Variants in PRKN observed in about 807,000 individuals in gnomAD.
The protein encoded by PRKN is E3 ubiquitin-protein ligase parkin.
Under a neutral mutation model 59.5 loss-of-function variants are expected in PRKN, and 56 were observed. The ratio of observed to expected loss-of-function variants is 0.94; its 90% CI spans 0.76 to 1.18. The LOEUF (loss-of-function observed/expected upper bound fraction) is 1.18. Among genes scored for constraint, PRKN ranks in the 50% most tolerant of loss-of-function variants. PRKN has a pLI of 0.00. For synonymous variants in PRKN, 250 were observed against 222.1 expected, an observed-to-expected ratio of 1.13 and a Z score of -1.12; for missense variants, 657 against 596.4, an observed-to-expected ratio of 1.10 and a Z score of -1.06.
intron 7 of PRKN, among the ~76,000 whole-genome samples, chr6:161,577,960 T>C (rs1781195861): frequency 6.6e-6 from 1 of 152,168 alleles, no homozygotes; most frequent in African/African-American, 2.4e-5. Context: ...TGATTCTTCA[T>C]CGAACAACTC....
At position 162,442,908 on chromosome 6, in the gene PRKN, T is replaced by C. The variant is rs560463358; in HGVS notation, c.171+402A>G. ...CCAGGGGTCACAATTGGGTTACAAA[T>C]TCCTCACAGTGCAGGGACTGAGCAG... On this transcript the variant is annotated intron_variant, in intron 2 of 11. Transcript: ENST00000366898. 2.0e-5 allele frequency among the ~76,000 whole-genome samples: 3 copies of C among 152,218 alleles called. No homozygotes were observed. The East Asian group carries it at 5.8e-4, about 29-fold the overall frequency.
intron 7 of PRKN, among the ~76,000 whole-genome samples, chr6:161,758,676 C>A (rs966524972): frequency 6.6e-6 from 1 of 152,012 alleles, no homozygotes; most frequent in Non-Finnish European, 1.5e-5. Context: ...CTGTTAAAAA[C>A]AATATAAACC....
chr6:162,563,772 AAC>A (rs1779949422), intron 1 of PRKN, among the ~76,000 whole-genome samples: 1 of 152,224 alleles, frequency 6.6e-6, no homozygotes. Context: ...AATTCATGAT[AAC>A]ACAGAGAAGC....
rs1289219759 is a variant in PRKN, at chr6:161,396,456, C to T, written c.1084-9579G>A. Among the ~76,000 whole-genome samples the T allele has an allele frequency of 6.6e-6, 1 of 152,188 alleles. No individual in the cohort carries two copies. Among genetic ancestry groups the T allele is most frequent in the African/African-American group, 2.4e-5 (1 of 41,418 alleles). On this transcript the variant is annotated intron_variant, in intron 9 of 11. Coordinates refer to ENST00000366898, the MANE Select transcript of PRKN (RefSeq NM_004562.3). This position sits in a 1 kb window ranked among gnomAD's most constrained non-coding sequence, Gnocchi z 5.4. ...ATGGAGCAGTTGGCTCCTTCTAGAACTGGAGCACTGGTCACAGAGTATCAA... is the reference window on the plus strand; with the variant it reads ...ATGGAGCAGTTGGCTCCTTCTAGAATTGGAGCACTGGTCACAGAGTATCAA...
At chr6:161,564,153 G>C (rs1780552223) in intron 8 of PRKN, among the ~76,000 whole-genome samples, 1 of 152,188 alleles carries the variant, frequency 6.6e-6, no homozygotes, top group Admixed American at 6.5e-5. Flanking sequence ...TCCTGGAGCA[G>C]TTGCCCCCAC....
chr6:161,545,851 G>C lies in PRKN; in HGVS notation c.1083+3003C>G, dbSNP rs13437456. On this transcript the variant is annotated intron_variant, in intron 9 of 11. Transcript: ENST00000366898. The surrounding 1 kb of genome is among the most constrained non-coding windows in gnomAD (Gnocchi z 4.1). Reference sequence around the variant, plus strand: ...TGTGCCTGGTACTCAGATCAGACTTGAATAGTCACCATGGTTCCTTGTGGA... The same window carrying C: ...TGTGCCTGGTACTCAGATCAGACTTCAATAGTCACCATGGTTCCTTGTGGA... Among the ~76,000 whole-genome samples the C allele has an allele frequency of 0.017, 2,609 of 152,314 alleles. 82 individuals carry two copies. Among genetic ancestry groups the C allele is most frequent in the African/African-American group, 0.06 (2,482 of 41,566 alleles).
At position 161,402,745 on chromosome 6, in the gene PRKN, G is replaced by C. The variant is rs559308526; in HGVS notation, c.1084-15868C>G. Among the ~76,000 whole-genome samples, 10 of 152,238 alleles carry C rather than the reference G, an allele frequency of 6.6e-5. No homozygotes were observed. The highest frequency in any genetic ancestry group is 1.3e-4 in the Admixed American group (2 of 15,276). ...AACAGGGGCTTGGGGATTCTTGTGA[G>C]GGGGAGGAGGTTAGAGGAGGGCAAG... On this transcript the variant is annotated intron_variant, in intron 9 of 11. Coordinates refer to ENST00000366898, the MANE Select transcript of PRKN (RefSeq NM_004562.3). The surrounding 1 kb of genome is among the most constrained non-coding windows in gnomAD (Gnocchi z 4.5).
intron 7 of PRKN, among the ~76,000 whole-genome samples, chr6:161,737,364 G>C (rs1290117845): frequency 6.6e-6 from 1 of 152,206 alleles, no homozygotes; most frequent in East Asian, 1.9e-4. Context: ...TCACATGAGG[G>C]ACAGAACATG....
intron 2 of PRKN, among the ~76,000 whole-genome samples, chr6:162,432,371 C>T (rs1022108921): frequency 5.3e-5 from 8 of 151,956 alleles, no homozygotes; most frequent in African/African-American, 1.7e-4. Flanking sequence ...ATTAAAAATA[C>T]AAAAATTAGC....
chr6:161,599,753 C>T (rs1371827565), intron 7 of PRKN, among the ~76,000 whole-genome samples: 2 of 152,300 alleles, frequency 1.3e-5, no homozygotes, highest in South Asian at 4.1e-4. Context: ...AATGATCTCT[C>T]GCTAGCTACC....
intron 4 of PRKN, among the ~76,000 whole-genome samples, chr6:162,157,300 C>T (rs1782555043): frequency 1.3e-5 from 2 of 151,778 alleles, no homozygotes; most frequent in Admixed American, 6.6e-5. Context: ...TAGCTCCTGG[C>T]TTTGTTTCAT....
chr6:162,080,749 A>C (rs1242744696), intron 4 of PRKN, among the ~76,000 whole-genome samples: 18 of 152,054 alleles, frequency 1.2e-4, no homozygotes, highest in Admixed American at 1.2e-3. Flanking sequence ...TTAAAATAAG[A>C]CAACAATGAA....
intron 4 of PRKN, among the ~76,000 whole-genome samples, chr6:162,194,346 T>C (rs1041934505): frequency 1.3e-5 from 2 of 152,226 alleles, no homozygotes; most frequent in Admixed American, 6.5e-5. Flanking sequence ...TTATTCCTTA[T>C]ATTAGTAAAT....
chr6:161,777,774 T>C (rs892257466), intron 7 of PRKN, among the ~76,000 whole-genome samples: 3 of 142,556 alleles, frequency 2.1e-5, no homozygotes, highest in Admixed American at 7.1e-5. Context: ...TATATATGTA[T>C]ATATGTATAT....
At chr6:162,535,765 C>T (rs556270328) in intron 1 of PRKN, among the ~76,000 whole-genome samples, 32 of 151,896 alleles carry the variant, frequency 2.1e-4, no homozygotes, top group East Asian at 9.7e-4. Context: ...AAAAATTAGC[C>T]GGGCACGGTG....
chr6:162,317,259 T>C (rs1782792298), intron 2 of PRKN, among the ~76,000 whole-genome samples: 1 of 152,040 alleles, frequency 6.6e-6, no homozygotes. Flanking sequence ...AATTGAATCA[T>C]GGGGGCACTT....
At chr6:161,874,261 G>A (rs566433989) in intron 6 of PRKN, among the ~76,000 whole-genome samples, 119 of 4,866 alleles carry the variant, frequency 0.024, 20 homozygotes, top group Non-Finnish European at 0.047. Flanking sequence ...TATATTATAT[G>A]TAAAATATAT....
chr6:161,633,997 AACACACACACACAC>A (rs141101298), intron 7 of PRKN, among the ~76,000 whole-genome samples: 360 of 142,126 alleles, frequency 2.5e-3, no homozygotes, highest in African/African-American at 3.0e-3. Context: ...GGAAAACTTA[AACACACACACACAC>A]ACACACACAC....
At chr6:161,708,008 T>C (rs76833568) in intron 7 of PRKN, among the ~76,000 whole-genome samples, 6,647 of 152,304 alleles carry the variant, frequency 0.044, 200 homozygotes, top group African/African-American at 0.083. Context: ...CATTTCATTT[T>C]TGGAGTATGT....
Sources: allele counts gnomAD v4.1 joint callset (sites outside exome capture counted in the v4.1 genomes callset), GRCh38; gene constraint gnomAD v4.1.1; non-coding constraint Gnocchi (gnomAD v3.1); transcripts MANE v1.5; gene names NCBI Gene and HGNC (gene_info 2026-07-23, HGNC 2026-07-21).